ESYT2: variants seen among roughly 807,000 people sequenced by gnomAD.
ESYT2 encodes extended synaptotagmin 2.
Under a neutral mutation model 107.2 loss-of-function variants are expected in ESYT2, and 54 were observed. The ratio of observed to expected loss-of-function variants is 0.50; its 90% confidence interval spans 0.40 to 0.63. ESYT2 has a LOEUF of 0.63. ESYT2 is among the 30% of genes least tolerant of loss of function. The probability of loss-of-function intolerance (pLI) is 0.00; values close to 1 mark genes in which losing one functional copy is unlikely to be tolerated. For missense variants in ESYT2, 1,020 were observed against 1,094.5 expected (o/e 0.93, Z 0.96); for synonymous variants, 491 against 434.1 (o/e 1.13, Z -1.63).
intron 6 of ESYT2, among the ~76,000 whole-genome samples, chr7:158,782,267 G>A (rs1838889925): frequency 7.0e-6 from 1 of 142,156 alleles, no homozygotes; most frequent in Non-Finnish European, 1.5e-5. Flanking sequence ...AAGTATGAGT[G>A]TGAGAACAAA....
intron 1 of ESYT2, among the ~76,000 whole-genome samples, chr7:158,828,706 G>A (rs1840529229): frequency 6.6e-6 from 1 of 152,202 alleles, no homozygotes; most frequent in Non-Finnish European, 1.5e-5. Context: ...GCGGCGAGCA[G>A]CGGGCGGCGG....
intron 6 of ESYT2, among the ~76,000 whole-genome samples, chr7:158,778,652 C>G (rs567526406): frequency 6.6e-6 from 1 of 152,250 alleles, no homozygotes; most frequent in East Asian, 1.9e-4. Flanking sequence ...AGAACTGCAA[C>G]CCAGAATGAT....
At chr7:158,786,991 G>C (rs1188356462) in intron 6 of ESYT2, among the ~76,000 whole-genome samples, 2 of 152,164 alleles carry the variant, frequency 1.3e-5, no homozygotes, top group Non-Finnish European at 1.5e-5. Flanking sequence ...CTGCGGCAAA[G>C]AAAAAGGCAC....
chr7:158,796,460 A>C (rs751051978), intron 3 of ESYT2, among the ~76,000 whole-genome samples: 1 of 152,214 alleles, frequency 6.6e-6, no homozygotes, highest in Non-Finnish European at 1.5e-5. Context: ...TTTGTTTTTT[A>C]ACATCCCGAG....
chr7:158,742,478 G>T (rs750789717), intron 17 of ESYT2, among the ~76,000 whole-genome samples: 2 of 152,220 alleles, frequency 1.3e-5, no homozygotes, highest in African/African-American at 4.8e-5. Flanking sequence ...GCCCAGAGTC[G>T]CATTTCCTCG....
At chr7:158,767,543 C>T in intron 8 of ESYT2, 111 bp downstream of exon 8, 1 of 1,446,448 alleles carries the variant, frequency 6.9e-7, no homozygotes, top group Non-Finnish European at 9.3e-7. Flanking sequence ...ACCCGTGTGG[C>T]AAGCTGGCTG....
Position 158,760,175 on chromosome 7 carries a change from CA to C in ESYT2, c.1234-29del, listed in dbSNP as rs1837909593. 3 of 1,598,374 alleles carry C rather than the reference CA, an allele frequency of 1.9e-6. No homozygotes were observed. The East Asian group carries it at 6.7e-5, about 36-fold the overall frequency. On this transcript the variant is annotated intron_variant, in intron 11 of 22. Coordinates refer to ENST00000275418, the MANE Select transcript of ESYT2 (RefSeq NM_001367773.1). ...GAAGAGAAAAAATGTTTACGTTCAG[CA>C]AAAGTTCTTCTGAATCAAAAATCCA...
chr7:158,782,649 GAA>G (rs1491083307), intron 6 of ESYT2, among the ~76,000 whole-genome samples: 2 of 148,926 alleles, frequency 1.3e-5, no homozygotes, highest in Admixed American at 1.3e-4. Flanking sequence ...TGAGAACAAA[GAA>G]GTATTAAAGA....
chr7:158,756,291 A>ACGG (rs1837753078), intron 13 of ESYT2, among the ~76,000 whole-genome samples: 1 of 152,172 alleles, frequency 6.6e-6, no homozygotes, highest in Non-Finnish European at 1.5e-5. Context: ...GCAGGTGAAA[A>ACGG]CGGCTCTCTA....
In ESYT2 at chr7:158,731,410, T is replaced by G. The variant is rs1836743756; in HGVS notation, c.*2797A>C. The G allele has an allele frequency of 6.6e-6, 1 of 152,266 alleles. No individual in the cohort carries two copies. The allele number at this position is 152,266 out of a possible 1,614,324, so 9.4% of individuals were successfully genotyped here. A position where few individuals can be genotyped will look rare whatever the true frequency, so the allele number is the denominator to read the frequency against. On this transcript the variant is annotated 3_prime_UTR_variant, in exon 23 of 23. Coordinates refer to ENST00000275418, the MANE Select transcript of ESYT2 (RefSeq NM_001367773.1). The stretch of plus-strand genomic sequence containing the variant: ...TCCGCCTCCTGGGTTCAAGCAATTC[T>G]CCTGCCTCAGCCTCCCGAGTAGCTG...
chr7:158,741,914 C>T lies in ESYT2; in HGVS notation c.1795-18G>A. 1 of 1,553,114 alleles carries T rather than the reference C, an allele frequency of 6.4e-7. No homozygotes were observed. The highest frequency in any genetic ancestry group is 8.7e-7 in the Non-Finnish European group (1 of 1,151,864). ...TGGAGCACCTAGAGGTGGACATAAA[C>T]ATAAAAATTAAACTTGGTGACACTG... On this transcript the variant is annotated intron_variant, in intron 17 of 22. Transcript: ENST00000275418.
In ESYT2 at chr7:158,741,473, G is replaced by GA. The variant is rs769719755; in HGVS notation, c.2168+49_2168+50insT. ...AAACGACTCTCCCCCAGCGTGGGGT[G>GA]GGGGGCGCTTGCTCTGCTGGTGAGA... On this transcript the variant is annotated intron_variant, in intron 18 of 22. Coordinates refer to ENST00000275418, the MANE Select transcript of ESYT2 (RefSeq NM_001367773.1). 8 of 1,363,882 alleles carry GA rather than the reference G, an allele frequency of 5.9e-6. No individual in the cohort carries two copies. In the African/African-American group the frequency reaches 9.1e-5, roughly 16 times the overall value. 84.5% of individuals were successfully genotyped at this position (1,363,882 alleles called of 1,614,324 possible). A position where few individuals can be genotyped will look rare whatever the true frequency, so the allele number is the denominator to read the frequency against.
intron 10 of ESYT2, among the ~76,000 whole-genome samples, chr7:158,761,876 C>A (rs1837977739): frequency 6.6e-6 from 1 of 152,104 alleles, no homozygotes; most frequent in African/African-American, 2.4e-5. Flanking sequence ...TTACATGCAT[C>A]AAAAAATGTT....
At chr7:158,737,469 T>C (rs972205333) in intron 19 of ESYT2, among the ~76,000 whole-genome samples, 1 of 152,100 alleles carries the variant, frequency 6.6e-6, no homozygotes, top group Non-Finnish European at 1.5e-5. Flanking sequence ...AGAGTGACGG[T>C]TGTCTTTCCA....
intron 17 of ESYT2, among the ~76,000 whole-genome samples, chr7:158,742,428 T>A (rs1837247517): frequency 6.6e-6 from 1 of 152,242 alleles, no homozygotes; most frequent in Non-Finnish European, 1.5e-5. Flanking sequence ...CGTTTCCATG[T>A]ATTTCTACAC....
chr7:158,814,694 A>C (rs1246093825), intron 1 of ESYT2, among the ~76,000 whole-genome samples: 1 of 152,146 alleles, frequency 6.6e-6, no homozygotes, highest in Non-Finnish European at 1.5e-5. Flanking sequence ...AGAAACAGTA[A>C]CCTGCCACCA....
intron 13 of ESYT2, among the ~76,000 whole-genome samples, chr7:158,754,293 A>G (rs1362730479): frequency 1.3e-5 from 2 of 151,896 alleles, no homozygotes; most frequent in African/African-American, 4.8e-5. Flanking sequence ...TGCAACCTCC[A>G]CCTCCTGGGT....
chr7:158,748,672 G>C (rs2129471610), intron 15 of ESYT2, among the ~76,000 whole-genome samples: 1 of 151,994 alleles, frequency 6.6e-6, no homozygotes, highest in South Asian at 2.1e-4. Flanking sequence ...AATTCAGTGA[G>C]TGATGACCTG....
chr7:158,775,110 T>C (rs1471511332), intron 6 of ESYT2, among the ~76,000 whole-genome samples: 1 of 152,234 alleles, frequency 6.6e-6, no homozygotes, highest in Non-Finnish European at 1.5e-5. Context: ...CACACACATT[T>C]TTTGGTTTCC....
Sources: gnomAD v4.1 joint callset for allele counts (sites outside exome capture counted in the v4.1 genomes callset) on GRCh38, gnomAD v4.1.1 for gene constraint, MANE v1.5 for transcripts, NCBI Gene and HGNC (gene_info 2026-07-23, HGNC 2026-07-21) for gene names.